TENM3: variants seen among roughly 807,000 people sequenced by gnomAD.
TENM3 encodes teneurin-3.
A neutral mutation model predicts 255.1 loss-of-function variants in TENM3; 63 were observed. The ratio of observed to expected loss-of-function variants is 0.25; its 90% CI spans 0.20 to 0.30. TENM3 has a LOEUF of 0.30. Ranked by LOEUF, TENM3 falls within the 10% of genes least tolerant of loss-of-function variation. The pLI is 1.00. For missense variants in TENM3, 2,929 were observed against 3,461.1 expected (o/e 0.85, Z 3.86); for synonymous variants, 1,306 against 1,322.3 (o/e 0.99, Z 0.27).
the TENM3 span, among the ~76,000 whole-genome samples, chr4:181,608,474 G>A: frequency 2.0e-5 from 3 of 152,184 alleles, no homozygotes; most frequent in African/African-American, 7.2e-5. Context: ...GTAGTTGATT[G>A]CTTTGGAGTT....
Position 182,753,275 on chromosome 4 carries a change from A to G in TENM3, c.3863-175A>G, listed in dbSNP as rs182362409. ...CTTACTGAATTTTTAATTTATTTGT[A>G]TTATAAATGCCTGTGTTGGTTTTTT... On this transcript the variant is annotated intron_variant, in intron 20 of 27. Coordinates refer to ENST00000511685, the MANE Select transcript of TENM3 (RefSeq NM_001080477.4). Among the ~76,000 whole-genome samples, 724 of 152,226 alleles carry G rather than the reference A, an allele frequency of 4.8e-3. 8 individuals are homozygous for G. The highest frequency in any genetic ancestry group is 0.017 in the African/African-American group (693 of 41,542).
chr4:181,991,120 C>T, the TENM3 span, among the ~76,000 whole-genome samples: 1 of 151,968 alleles, frequency 6.6e-6, no homozygotes, highest in Non-Finnish European at 1.5e-5. Context: ...AAACAGGAAA[C>T]AATTTTAAAG....
At chr4:182,659,778 C>A (rs987504965) in intron 6 of TENM3, among the ~76,000 whole-genome samples, 2 of 152,206 alleles carry the variant, frequency 1.3e-5, no homozygotes, top group Non-Finnish European at 2.9e-5. Context: ...CTTGCCTAAG[C>A]CCCTTCAGTG....
chr4:182,678,668 C>G (rs1755848379), intron 7 of TENM3, among the ~76,000 whole-genome samples: 1 of 152,190 alleles, frequency 6.6e-6, no homozygotes, highest in Non-Finnish European at 1.5e-5. Flanking sequence ...CTGTAAAGTG[C>G]AAATGTTAAA....
At chr4:181,810,561 A>G in the TENM3 span, among the ~76,000 whole-genome samples, 2 of 151,928 alleles carry the variant, frequency 1.3e-5, no homozygotes, top group Non-Finnish European at 2.9e-5. Context: ...TTCATACAAG[A>G]CCCTGCACTT....
the TENM3 span, among the ~76,000 whole-genome samples, chr4:181,573,809 T>A: frequency 6.6e-6 from 1 of 152,162 alleles, no homozygotes; most frequent in Non-Finnish European, 1.5e-5. Flanking sequence ...AGCATTAAAA[T>A]TATACTCCTA....
At chr4:181,746,780 A>G in the TENM3 span, among the ~76,000 whole-genome samples, 10 of 151,572 alleles carry the variant, frequency 6.6e-5, no homozygotes, top group African/African-American at 2.2e-4. Flanking sequence ...TTATACTAAA[A>G]TGTTTACATT....
At chr4:182,292,137 C>T (rs1761171564) in intron 1 of TENM3, among the ~76,000 whole-genome samples, 1 of 152,082 alleles carries the variant, frequency 6.6e-6, no homozygotes, top group South Asian at 2.1e-4. Context: ...TTTGGCACTG[C>T]TATATTTCTT....
chr4:181,838,751 T>G, the TENM3 span, among the ~76,000 whole-genome samples: 2 of 152,220 alleles, frequency 1.3e-5, no homozygotes, highest in Admixed American at 1.3e-4. Flanking sequence ...TTAATGTTAT[T>G]TCTTTTCTCT....
At chr4:181,648,371 A>T in the TENM3 span, among the ~76,000 whole-genome samples, 1 of 152,038 alleles carries the variant, frequency 6.6e-6, no homozygotes, top group East Asian at 1.9e-4. Context: ...GAGCCACTAA[A>T]CTGACTCATA....
At chr4:182,323,070 C>T (rs555447842) in intron 1 of TENM3, among the ~76,000 whole-genome samples, 14 of 152,174 alleles carry the variant, frequency 9.2e-5, no homozygotes, top group African/African-American at 2.4e-4. Flanking sequence ...GGATTCGCCC[C>T]GGGCCACTCT....
At chr4:182,024,181 A>T in the TENM3 span, among the ~76,000 whole-genome samples, 2 of 152,246 alleles carry the variant, frequency 1.3e-5, no homozygotes, top group Non-Finnish European at 2.9e-5. Flanking sequence ...TGAAGAAAAA[A>T]TATTTTTTCT....
the TENM3 span, among the ~76,000 whole-genome samples, chr4:181,907,248 G>A: frequency 4.6e-5 from 7 of 152,194 alleles, no homozygotes; most frequent in Non-Finnish European, 8.8e-5. Flanking sequence ...CTTCAAAGCA[G>A]GAGTGCAACA....
chr4:182,537,100 A>G (rs1298770061), intron 3 of TENM3, among the ~76,000 whole-genome samples: 3 of 152,230 alleles, frequency 2.0e-5, no homozygotes, highest in East Asian at 1.9e-4. Context: ...TACAGTGTGA[A>G]TGAAGTGTTA....
intron 13 of TENM3, among the ~76,000 whole-genome samples, chr4:182,725,137 C>T (rs1369259135): frequency 1.3e-5 from 2 of 151,898 alleles, no homozygotes; most frequent in Non-Finnish European, 1.5e-5. Flanking sequence ...ACTGCACCCT[C>T]GAACTCCTGG....
chr4:181,651,710 G>A, the TENM3 span, among the ~76,000 whole-genome samples: 27 of 152,136 alleles, frequency 1.8e-4, no homozygotes, highest in Admixed American at 5.2e-4. Context: ...TAACACCAAG[G>A]AACGCTGAAC....
intron 13 of TENM3, among the ~76,000 whole-genome samples, chr4:182,726,935 A>T (rs1368615861): frequency 1.3e-5 from 2 of 152,202 alleles, no homozygotes; most frequent in African/African-American, 4.8e-5. Flanking sequence ...TGGCTAGTAT[A>T]GTATTTTTTT....
At chr4:181,988,553 A>G in the TENM3 span, among the ~76,000 whole-genome samples, 1 of 152,100 alleles carries the variant, frequency 6.6e-6, no homozygotes, top group Non-Finnish European at 1.5e-5. Flanking sequence ...GCATAATAAT[A>G]TTACCTAATA....
At chr4:181,719,162 C>T in the TENM3 span, among the ~76,000 whole-genome samples, 2 of 151,658 alleles carry the variant, frequency 1.3e-5, no homozygotes, top group African/African-American at 2.4e-5. Flanking sequence ...GCCGAGATCG[C>T]GCCACTGCAG....
Sources: gnomAD v4.1 joint callset for allele counts (sites outside exome capture counted in the v4.1 genomes callset) on GRCh38, gnomAD v4.1.1 for gene constraint, MANE v1.5 for transcripts, NCBI Gene and HGNC (gene_info 2026-07-23, HGNC 2026-07-21) for gene names.